Variants in ACTR3 observed in about 807,000 individuals in gnomAD.
ACTR3 encodes the protein actin related protein 3.
In ACTR3, 12 loss-of-function variants were observed where a neutral mutation model predicts 56.8. The observed-to-expected ratio is 0.21, with a 90% CI of 0.14 to 0.34. The LOEUF (loss-of-function observed/expected upper bound fraction) is 0.34, where lower values mean the gene tolerates loss of function less well. Among genes scored for constraint, ACTR3 ranks in the 10% least tolerant of loss-of-function variants. The probability of loss-of-function intolerance (pLI) is 1.00; values close to 1 mark genes in which losing one functional copy is unlikely to be tolerated. For missense variants in ACTR3, 282 were observed against 512.5 expected, an observed-to-expected ratio of 0.55 and a Z score of 4.34; for synonymous variants, 162 against 167.4, an observed-to-expected ratio of 0.97 and a Z score of 0.25.
chr2:113,938,049 T>A (rs964299853), intron 6 of ACTR3, among the ~76,000 whole-genome samples: 2 of 152,086 alleles, frequency 1.3e-5, no homozygotes, highest in Non-Finnish European at 1.5e-5. Flanking sequence ...TTTTCTTTTT[T>A]TTGGATAGTT....
chr2:113,942,130 T>C (rs1006271057), intron 7 of ACTR3, 56 bp from the exon 8 acceptor site: 1 of 1,374,466 alleles, frequency 7.3e-7, no homozygotes, highest in African/African-American at 1.5e-5. Context: ...ATGCCATTCT[T>C]CTTTACTGTT....
chr2:113,911,773 G>A (rs1201710650), intron 1 of ACTR3, among the ~76,000 whole-genome samples: 10 of 151,710 alleles, frequency 6.6e-5, no homozygotes, highest in Non-Finnish European at 1.5e-5. Context: ...GTCTCACTCT[G>A]TCTCCCAGGC....
intron 8 of ACTR3, among the ~76,000 whole-genome samples, chr2:113,943,723 C>T (rs1291360503): frequency 6.6e-6 from 1 of 152,154 alleles, no homozygotes; most frequent in African/African-American, 2.4e-5. Flanking sequence ...GTAACTTGGG[C>T]AACCCAGTGT....
intron 7 of ACTR3, 85 bp downstream of exon 7, chr2:113,940,187 G>A: frequency 8.5e-7 from 1 of 1,182,310 alleles, no homozygotes; most frequent in South Asian, 1.5e-5. Flanking sequence ...AATAGAAGAA[G>A]AGTACTTGAA....
chr2:113,930,078 T>G (rs1234672417), intron 4 of ACTR3, among the ~76,000 whole-genome samples: 1 of 152,238 alleles, frequency 6.6e-6, no homozygotes, highest in Non-Finnish European at 1.5e-5. Context: ...TGTTGAGCAG[T>G]CTTTCATGTA....
intron 1 of ACTR3, among the ~76,000 whole-genome samples, chr2:113,896,844 A>G (rs761435482): frequency 3.9e-5 from 6 of 152,226 alleles, no homozygotes; most frequent in Non-Finnish European, 5.9e-5. Context: ...CTAAGAGGCA[A>G]AATCCTTAAT....
intron 1 of ACTR3, chr2:113,904,070 C>T (rs1679149800): frequency 6.6e-6 from 1 of 151,772 alleles, no homozygotes; most frequent in Admixed American, 6.6e-5. Flanking sequence ...CCTTGTTAGC[C>T]AGGATGGTCT....
chr2:113,892,070 A>G (rs1233297996), intron 1 of ACTR3, among the ~76,000 whole-genome samples: 2 of 152,220 alleles, frequency 1.3e-5, no homozygotes, highest in Non-Finnish European at 2.9e-5. Context: ...AAAATAGTGT[A>G]AATAATTGTG....
chr2:113,942,721 C>T (rs895339277), intron 8 of ACTR3, among the ~76,000 whole-genome samples: 3 of 151,806 alleles, frequency 2.0e-5, no homozygotes, highest in Non-Finnish European at 4.4e-5. Context: ...AAAGCTCCCC[C>T]CCTCCCTATT....
At chr2:113,946,106 T>G (rs1490594440) in intron 8 of ACTR3, among the ~76,000 whole-genome samples, 1 of 152,218 alleles carries the variant, frequency 6.6e-6, no homozygotes, top group East Asian at 1.9e-4. Context: ...TGAACATACA[T>G]ATGCATGTGC....
chr2:113,931,466 C>A (rs968344146), intron 5 of ACTR3, 70 bp downstream of exon 5: 7 of 1,028,226 alleles, frequency 6.8e-6, no homozygotes, highest in Non-Finnish European at 8.2e-6. Flanking sequence ...GCCTAAAATA[C>A]GTACTTTTTT....
At position 113,957,540 on chromosome 2, in the gene ACTR3, G is replaced by A; in HGVS notation, c.*85G>A. The A allele has an allele frequency of 5.4e-6, 6 of 1,116,522 alleles. No individual in the cohort carries two copies. The highest frequency in any genetic ancestry group is 8.1e-6 in the Non-Finnish European group (6 of 741,888). 69.2% of individuals were successfully genotyped at this position (1,116,522 alleles called of 1,614,324 possible). The stretch of plus-strand genomic sequence containing the variant: ...CTGTTTTGTCTGGATGGCTGGTTTT[G>A]AGGTTTTAAACCTGACTTGAAATAG... On this transcript the variant is annotated 3_prime_UTR_variant, in exon 12 of 12. Transcript: ENST00000263238.
intron 3 of ACTR3, among the ~76,000 whole-genome samples, chr2:113,920,561 A>G (rs868302778): frequency 1.3e-5 from 2 of 152,222 alleles, no homozygotes; most frequent in African/African-American, 4.8e-5. Flanking sequence ...TAGTCATCAT[A>G]TAGTGCTATA....
chr2:113,916,880 A>G lies in ACTR3; in HGVS notation c.101-4A>G. 2 of 1,593,068 alleles carry G rather than the reference A, an allele frequency of 1.3e-6. No homozygotes were observed. The highest frequency in any genetic ancestry group is 2.3e-5 in the South Asian group (2 of 87,570). On this transcript the variant is annotated splice_polypyrimidine_tract_variant and splice_region_variant and intron_variant, in intron 2 of 11. Coordinates refer to ENST00000263238, the MANE Select transcript of ACTR3 (RefSeq NM_005721.5). ...TTCTTTGACATGTCTAACTTATTTT[A>G]AAGGTATTGCTATTAAGGAGTCAGC...
chr2:113,906,067 A>G (rs532986137), intron 1 of ACTR3, among the ~76,000 whole-genome samples: 4 of 152,268 alleles, frequency 2.6e-5, no homozygotes, highest in South Asian at 4.1e-4. Flanking sequence ...TGGAGGAACT[A>G]TTTTATAGTT....
At chr2:113,942,126 T>G (rs910600222) in intron 7 of ACTR3, 60 bp from the exon 8 acceptor site, 1 of 1,329,342 alleles carries the variant, frequency 7.5e-7, no homozygotes, top group African/African-American at 1.5e-5. Flanking sequence ...AAACATGCCA[T>G]TCTTCTTTAC....
At chr2:113,942,447 TTATTAG>T in intron 8 of ACTR3, 88 bp downstream of exon 8, 1 of 832,816 alleles carries the variant, frequency 1.2e-6, no homozygotes, top group Non-Finnish European at 1.7e-6. Context: ...TCAGAAACTT[TTATTAG>T]TACACTAAAA....
chr2:113,903,724 C>G (rs11889598), intron 1 of ACTR3, among the ~76,000 whole-genome samples: 6,892 of 151,972 alleles, frequency 0.045, 513 homozygotes, highest in African/African-American at 0.16. Context: ...GAACTCCTGG[C>G]CTCAAGTGAT....
At chr2:113,902,380 A>C (rs1013374720) in intron 1 of ACTR3, among the ~76,000 whole-genome samples, 1 of 151,286 alleles carries the variant, frequency 6.6e-6, no homozygotes, top group East Asian at 1.9e-4. Context: ...TTTTTTATGT[A>C]AAATGATGTA....
Sources: gnomAD v4.1 joint callset for allele counts (sites outside exome capture counted in the v4.1 genomes callset) on GRCh38, gnomAD v4.1.1 for gene constraint, MANE v1.5 for transcripts, NCBI Gene and HGNC (gene_info 2026-07-23, HGNC 2026-07-21) for gene names.